LHX8: variants seen among roughly 807,000 people sequenced by gnomAD.
LHX8 encodes the protein LIM/homeobox protein Lhx8.
LHX8 carries 12 observed loss-of-function variants against 40.3 expected under a neutral mutation model. That is an observed-to-expected ratio of 0.30 (90% CI 0.19 to 0.48). LHX8 has a LOEUF of 0.48. LHX8 is among the 20% of genes least tolerant of loss of function. The pLI, the probability that LHX8 is intolerant of heterozygous loss-of-function variation, is 0.99. For synonymous variants in LHX8, 179 were observed against 162.0 expected, an observed-to-expected ratio of 1.10 and a Z score of -0.80; for missense variants, 344 against 433.7, an observed-to-expected ratio of 0.79 and a Z score of 1.84.
the LHX8 span, among the ~76,000 whole-genome samples, chr1:75,195,056 G>C: frequency 6.6e-6 from 1 of 152,150 alleles, no homozygotes; most frequent in African/African-American, 2.4e-5. Flanking sequence ...AGCCTAAGAG[G>C]CTAAGTGGGA....
chr1:75,183,792 T>C, the LHX8 span, among the ~76,000 whole-genome samples: 27 of 152,302 alleles, frequency 1.8e-4, no homozygotes, highest in African/African-American at 5.8e-4. Context: ...ACTTTGAATA[T>C]AAATGGGCTA....
chr1:75,167,162 G>C, the LHX8 span, among the ~76,000 whole-genome samples: 1 of 152,212 alleles, frequency 6.6e-6, no homozygotes, highest in Admixed American at 6.5e-5. Context: ...ACAACATGGA[G>C]AAGTATCACA....
At chr1:75,178,459 TA>T in the LHX8 span, among the ~76,000 whole-genome samples, 1 of 152,220 alleles carries the variant, frequency 6.6e-6, no homozygotes, top group Admixed American at 6.5e-5. Flanking sequence ...TTTATGTGCT[TA>T]AAGGTGTTTA....
chr1:75,189,106 T>C, the LHX8 span, among the ~76,000 whole-genome samples: 1 of 152,244 alleles, frequency 6.6e-6, no homozygotes, highest in Non-Finnish European at 1.5e-5. Context: ...TGGTATCAGA[T>C]AGCATTTGCC....
chr1:75,187,772 G>T, the LHX8 span, among the ~76,000 whole-genome samples: 1 of 152,082 alleles, frequency 6.6e-6, no homozygotes, highest in Non-Finnish European at 1.5e-5. Context: ...TTGTTCAGTG[G>T]GGTCACCTGA....
chr1:75,154,269 G>T (rs1648694981), intron 7 of LHX8, among the ~76,000 whole-genome samples: 1 of 151,818 alleles, frequency 6.6e-6, no homozygotes, highest in Admixed American at 6.6e-5. Flanking sequence ...ATGATACTTT[G>T]TTTTTGCAAA....
upstream of LHX8, chr1:75,131,120 C>T: frequency 5.9e-6 from 2 of 336,432 alleles, no homozygotes; most frequent in Non-Finnish European, 1.1e-5. Flanking sequence ...CCCGGGAGTC[C>T]TGGATGCGCC....
chr1:75,180,589 G>A, the LHX8 span, among the ~76,000 whole-genome samples: 27 of 152,180 alleles, frequency 1.8e-4, no homozygotes, highest in African/African-American at 5.5e-4. Context: ...TTAGCCATTC[G>A]TCTAATCTTT....
At chr1:75,188,021 A>T in the LHX8 span, among the ~76,000 whole-genome samples, 1 of 152,130 alleles carries the variant, frequency 6.6e-6, no homozygotes, top group African/African-American at 2.4e-5. Context: ...ATGCCCCTTC[A>T]TCTGTCCTTC....
the LHX8 span, among the ~76,000 whole-genome samples, chr1:75,169,020 T>A: frequency 6.6e-6 from 1 of 152,186 alleles, no homozygotes; most frequent in African/African-American, 2.4e-5. Context: ...ATTAGAACTT[T>A]TCTGTTGAAA....
At chr1:75,192,857 T>C in the LHX8 span, among the ~76,000 whole-genome samples, 1 of 152,046 alleles carries the variant, frequency 6.6e-6, no homozygotes, top group Admixed American at 6.6e-5. Context: ...CACACCAGGC[T>C]AATTTTTGTA....
the LHX8 span, among the ~76,000 whole-genome samples, chr1:75,184,733 G>A: frequency 6.6e-6 from 1 of 150,610 alleles, no homozygotes; most frequent in African/African-American, 2.4e-5. Context: ...CAACCCCAAA[G>A]CTAGCAGAAA....
the LHX8 span, among the ~76,000 whole-genome samples, chr1:75,195,500 A>G: frequency 6.6e-6 from 1 of 151,860 alleles, no homozygotes; most frequent in Non-Finnish European, 1.5e-5. Flanking sequence ...TCTGAGTCTT[A>G]TTTCTCAGTC....
intron 3 of LHX8, among the ~76,000 whole-genome samples, chr1:75,140,104 A>G (rs920038555): frequency 7.2e-5 from 11 of 152,228 alleles, no homozygotes; most frequent in African/African-American, 2.7e-4. Context: ...TTCATACTCC[A>G]GGGCTAAAGT....
chr1:75,130,747 A>G, upstream of LHX8: 1 of 1,613,422 alleles, frequency 6.2e-7, no homozygotes, highest in Non-Finnish European at 8.5e-7. Flanking sequence ...GTTTGTGGAA[A>G]GAACCTCTAG....
At chr1:75,194,853 T>A in the LHX8 span, among the ~76,000 whole-genome samples, 1 of 152,168 alleles carries the variant, frequency 6.6e-6, no homozygotes, top group Non-Finnish European at 1.5e-5. Context: ...GAAATTACAT[T>A]GTTAGAAAGC....
At chr1:75,160,656 T>A (rs1202663201) in intron 8 of LHX8, 163 bp from the exon 9 acceptor site, 2 of 660,238 alleles carry the variant, frequency 3.0e-6, no homozygotes, top group Non-Finnish European at 2.8e-6. Context: ...CTCACTATGC[T>A]GAATAGGTTA....
chr1:75,131,703 G>A (rs1026935417), upstream of LHX8: 26 of 152,270 alleles, frequency 1.7e-4, no homozygotes, highest in African/African-American at 4.8e-4. Flanking sequence ...TGGCTCCACG[G>A]GATCTAGACC....
intron 2 of LHX8, 122 bp downstream of exon 2, chr1:75,136,811 A>C: frequency 1.9e-6 from 1 of 519,332 alleles, no homozygotes. Flanking sequence ...CAGACAGAGG[A>C]CGGGGCGGAG....
Sources: gnomAD v4.1 joint callset for allele counts (sites outside exome capture counted in the v4.1 genomes callset) on GRCh38, gnomAD v4.1.1 for gene constraint, MANE v1.5 for transcripts, NCBI Gene and HGNC (gene_info 2026-07-23, HGNC 2026-07-21) for gene names.